The following TARS2 variants were observed in gnomAD, a reference collection of about 807,000 sequenced individuals.
TARS2 encodes the protein threonyl-tRNA synthetase 2, mitochondrial.
In TARS2, 61 loss-of-function variants were observed where a neutral mutation model predicts 94.4. The ratio of observed to expected loss-of-function variants is 0.65; its 90% CI spans 0.53 to 0.80. The LOEUF (loss-of-function observed/expected upper bound fraction) is 0.80, where lower values mean the gene tolerates loss of function less well. Among genes scored for constraint, TARS2 ranks in the 30% least tolerant of loss-of-function variants. The pLI is 0.00. For synonymous variants in TARS2, 359 were observed against 353.4 expected, an observed-to-expected ratio of 1.02 and a Z score of -0.18; for missense variants, 704 against 902.5, an observed-to-expected ratio of 0.78 and a Z score of 2.82.
At chr1:150,492,212 C>T (rs1461172750) in intron 6 of TARS2, 199 bp from the exon 7 acceptor site, 1 of 531,458 alleles carries the variant, frequency 1.9e-6, no homozygotes, top group Non-Finnish European at 3.4e-6. Context: ...GATCCACCCA[C>T]CTTGGCCTCC....
At position 150,497,663 on chromosome 1, in the gene TARS2, G is replaced by A. The variant is rs765513396; in HGVS notation, c.1154G>A (p.Arg385Lys). The A allele has an allele frequency of 1.2e-6, 2 of 1,614,040 alleles. No individual in the cohort carries two copies. Among genetic ancestry groups the A allele is most frequent in the South Asian group, 2.2e-5 (2 of 91,080 alleles). The change falls in exon 10 of 18, where the codon AGG becomes AAG. Residue 385 changes from arginine to lysine, a missense_variant. Physicochemically the swap from Arg to Lys is conservative, Grantham distance 26. Transcript: ENST00000369064. Reference protein sequence around the residue: ...MFAVQPPGSDRPPSSQSDDST... With the variant: ...MFAVQPPGSDKPPSSQSDDST... Reference sequence around the variant, plus strand: ...GCCGTGCAGCCCCCAGGCTCTGACAGGCCTCCCAGCTCCCAGAGTGACGAT... The same window carrying A: ...GCCGTGCAGCCCCCAGGCTCTGACAAGCCTCCCAGCTCCCAGAGTGACGAT...
At chr1:150,490,749 G>A (rs1238514853) in intron 4 of TARS2, 24 bp downstream of exon 4, 1 of 1,612,800 alleles carries the variant, frequency 6.2e-7, no homozygotes, top group Non-Finnish European at 8.5e-7. Context: ...GGAAGGAGGA[G>A]AATGATTCTG....
In TARS2 at chr1:150,504,700, T is replaced by TGGGAG; in HGVS notation, c.1788_1792dup (p.Val598GlyfsTer56). The TGGGAG allele has an allele frequency of 6.2e-7, 1 of 1,614,168 alleles. No individual in the cohort carries two copies. Among genetic ancestry groups the TGGGAG allele is most frequent in the Non-Finnish European group, 8.5e-7 (1 of 1,180,026 alleles). On this transcript the variant is annotated frameshift_variant, in exon 15 of 18. Transcript: ENST00000369064. LOFTEE classifies it high-confidence loss of function. ...GTGCTCGGTTCTGTGGAAAGACTGTTGGGAGTGCTGGCAGAAAGCTGCGGG... is the reference window on the plus strand; with the variant it reads ...GTGCTCGGTTCTGTGGAAAGACTGTTGGGAGGGGAGTGCTGGCAGAAAGCTGCGGG...
rs1669429442 is a variant in TARS2 at position 150,492,245 on chromosome 1, T to C, written c.696-166T>C. ...TCCCAAAGTTCTGGGATTATAGACATGAGCCACCGCGCCCTGCCAGGGAAT... is the reference window on the plus strand; with the variant it reads ...TCCCAAAGTTCTGGGATTATAGACACGAGCCACCGCGCCCTGCCAGGGAAT... On this transcript the variant is annotated intron_variant, in intron 6 of 17. Coordinates refer to ENST00000369064, the MANE Select transcript of TARS2 (RefSeq NM_025150.5). 8 of 631,956 alleles carry C rather than the reference T, an allele frequency of 1.3e-5. No homozygotes were observed. In the Admixed American group the frequency reaches 2.0e-4, roughly 16 times the overall value. 39.1% of individuals were successfully genotyped at this position (631,956 alleles called of 1,614,324 possible). A position where few individuals can be genotyped will look rare whatever the true frequency, so the allele number is the denominator to read the frequency against.
Position 150,497,695 on chromosome 1 carries a change from A to G in TARS2, c.1186A>G (p.Arg396Gly). The G allele has an allele frequency of 6.2e-7, 1 of 1,614,164 alleles. No homozygotes were observed. Reference protein sequence around the residue: ...PPSSQSDDSTRHITDTLALKP... With the variant: ...PPSSQSDDSTGHITDTLALKP... ...CAGCTCCCAGAGTGACGATTCTACC[A>G]GGCATATCACAGATACACTCGCCCT... Residue 396 changes from arginine to glycine, a missense_variant, in exon 10 of 18, where the codon AGG becomes GGG. Around this residue, in one of 3 missense-constraint regions of TARS2, gnomAD observed 466 missense variants for 609.5 expected, o/e 0.76. Transcript: ENST00000369064.
At chr1:150,496,737 C>T (rs747825634) in intron 8 of TARS2, 73 bp from the exon 9 acceptor site, 474 of 1,605,684 alleles carry the variant, frequency 3.0e-4, no homozygotes, top group Middle Eastern at 4.3e-4. Context: ...TGAGCAGCTC[C>T]GTCAGTTGTT....
Position 150,488,019 on chromosome 1 carries a change from G to A in TARS2, c.228G>A (p.Trp76Ter). 1 of 1,614,020 alleles carries A rather than the reference G, an allele frequency of 6.2e-7. No homozygotes were observed. Among genetic ancestry groups the A allele is most frequent in the Non-Finnish European group, 8.5e-7 (1 of 1,179,996 alleles). The change falls in exon 2 of 18, where the codon TGG becomes TGA. Residue 76 changes from tryptophan to a stop codon, truncating the protein, a stop_gained. Coordinates refer to ENST00000369064, the MANE Select transcript of TARS2 (RefSeq NM_025150.5). LOFTEE classifies it high-confidence loss of function. ...GCCAGAAAATTGATGCTGTGGCATG[G>A]AACACAACCCCCTACCAACTAGCCC... ...PGGQKIDAVA[W>*]NTTPYQLARQ...
In TARS2 at chr1:150,491,520, G is replaced by A. The variant is rs1264831353; in HGVS notation, c.630+9G>A. 3 of 1,614,024 alleles carry A rather than the reference G, an allele frequency of 1.9e-6. No homozygotes were observed. In the East Asian group the frequency reaches 6.7e-5, roughly 36 times the overall value. ...TTCGCCAGTTGTTCAAGGTGGGGTG[G>A]AGGGAAGAGGTGGCTCTTCCAGGAC... On this transcript the variant is annotated intron_variant, in intron 5 of 17. Transcript: ENST00000369064.
Position 150,496,016 on chromosome 1 carries a change from G to A in TARS2, c.775-466G>A, listed in dbSNP as rs587775145. On this transcript the variant is annotated intron_variant, in intron 7 of 17. Transcript: ENST00000369064. ...ATTACAGGCGTGAGCCACCGCGCCC[G>A]GCTCATTAGTACTGTTAAAGGAGAG... is the stretch of plus-strand genomic sequence containing the variant. 1.8e-3 allele frequency among the ~76,000 whole-genome samples: 269 copies of A among 152,298 alleles called. 1 individual carries two copies. The Middle Eastern group carries it at 0.027, about 15-fold the overall frequency.
intron 10 of TARS2, 145 bp from the exon 11 acceptor site, chr1:150,498,357 A>G: frequency 3.1e-6 from 3 of 961,846 alleles, no homozygotes; most frequent in Non-Finnish European, 4.4e-6. Flanking sequence ...AGTGGGATTG[A>G]CAGGACTCAG....
chr1:150,490,836 T>A (rs1158560959), intron 4 of TARS2, 111 bp downstream of exon 4: 109 of 1,486,866 alleles, frequency 7.3e-5, no homozygotes, highest in Non-Finnish European at 9.6e-5. Context: ...GAAGGGTTTC[T>A]CTAGGTCTCA....
chr1:150,498,261 A>G (rs1430408531), intron 10 of TARS2, among the ~76,000 whole-genome samples: 2 of 152,220 alleles, frequency 1.3e-5, no homozygotes, highest in East Asian at 3.8e-4. Flanking sequence ...CTCAGTGACC[A>G]TCACAGAACA....
intron 5 of TARS2, 31 bp downstream of exon 5, chr1:150,491,542 G>A (rs1279598544): frequency 7.4e-6 from 12 of 1,613,886 alleles, no homozygotes; most frequent in Non-Finnish European, 1.0e-5. Flanking sequence ...GGCTCTTCCA[G>A]GACATCTTTG....
intron 13 of TARS2, among the ~76,000 whole-genome samples, chr1:150,500,254 G>T (rs186119077): frequency 5.7e-4 from 87 of 152,258 alleles, no homozygotes; most frequent in Non-Finnish European, 1.1e-3. Context: ...GGATTTCAAA[G>T]GACCATTTTC....
intron 7 of TARS2, 100 bp downstream of exon 7, chr1:150,492,589 A>T: frequency 7.9e-7 from 1 of 1,272,560 alleles, no homozygotes. Flanking sequence ...AGGCAGATGG[A>T]TCATAAAGTC....
intron 7 of TARS2, among the ~76,000 whole-genome samples, chr1:150,495,686 G>C (rs765355524): frequency 6.7e-6 from 1 of 149,212 alleles, no homozygotes; most frequent in Admixed American, 6.7e-5. Context: ...GAGCCACTGC[G>C]CCCGGCCTCT....
chr1:150,496,435 G>A, intron 7 of TARS2, 47 bp from the exon 8 acceptor site: 1 of 1,547,290 alleles, frequency 6.5e-7, no homozygotes, highest in East Asian at 2.3e-5. Context: ...AAAAGGTGGG[G>A]GCCTTCAGTC....
Position 150,498,551 on chromosome 1 carries a change from C to T in TARS2, c.1288C>T (p.Leu430=). The change falls in exon 11 of 18, where the codon CTA becomes TTA. Residue 430 remains leucine (L), a synonymous_variant. Transcript: ENST00000369064. ...PRSWRELPLR[L]ADFGALHRAE... is the part of the protein sequence containing the mutation. ...ATCCTGGCGGGAACTGCCCCTGCGA[C>T]TAGCTGACTTTGGGGCTCTACACCG... 6.2e-7 allele frequency: 1 copy of T among 1,603,180 alleles called. No homozygotes were observed. The highest frequency in any genetic ancestry group is 2.2e-5 in the East Asian group (1 of 44,782).
chr1:150,491,804 T>C, intron 6 of TARS2, 142 bp downstream of exon 6: 2 of 903,192 alleles, frequency 2.2e-6, no homozygotes, highest in South Asian at 1.6e-5. Context: ...TTTTTTTTTT[T>C]CTTTTTTTGA....
Sources: allele counts gnomAD v4.1 joint callset (sites outside exome capture counted in the v4.1 genomes callset), GRCh38; gene constraint gnomAD v4.1.1; regional missense constraint gnomAD v4.1.1; transcripts MANE v1.5; gene names NCBI Gene and HGNC (gene_info 2026-07-23, HGNC 2026-07-21).